NRXN3: variants seen among roughly 807,000 people sequenced by gnomAD.
NRXN3 encodes neurexin III.
In NRXN3, 32 loss-of-function variants were observed where a neutral mutation model predicts 137.6. The ratio of observed to expected loss-of-function variants is 0.23; its 90% CI spans 0.18 to 0.31. The LOEUF (loss-of-function observed/expected upper bound fraction) is 0.31. NRXN3 is among the 10% of genes least tolerant of loss of function. The pLI is 1.00. For missense variants in NRXN3, 1,574 were observed against 2,062.5 expected (o/e 0.76, Z 4.59); for synonymous variants, 798 against 784.5 (o/e 1.02, Z -0.29).
intron 4 of NRXN3, among the ~76,000 whole-genome samples, chr14:78,396,681 A>G (rs1192420406): frequency 2.0e-5 from 3 of 152,190 alleles, no homozygotes; most frequent in Non-Finnish European, 4.4e-5. Context: ...TTTTGATGAG[A>G]AATATGCTAT....
chr14:78,426,804 A>T (rs746714337), intron 4 of NRXN3, among the ~76,000 whole-genome samples: 1 of 152,156 alleles, frequency 6.6e-6, no homozygotes, highest in Non-Finnish European at 1.5e-5. Context: ...TTAGATTAAA[A>T]TATTCAACAT....
At chr14:79,279,210 C>G (rs954759838) in intron 15 of NRXN3, 4 of 322,594 alleles carry the variant, frequency 1.2e-5, no homozygotes, top group Middle Eastern at 1.5e-3. Context: ...CGGGTGTATA[C>G]GAGCCTGTGC....
chr14:79,347,544 C>T (rs1245977247), intron 15 of NRXN3, among the ~76,000 whole-genome samples: 2 of 151,484 alleles, frequency 1.3e-5, no homozygotes, highest in African/African-American at 4.9e-5. Context: ...GCTTCAGCCT[C>T]CTGAGTAGCT....
At chr14:78,914,361 A>T (rs536509827) in intron 10 of NRXN3, among the ~76,000 whole-genome samples, 1 of 152,222 alleles carries the variant, frequency 6.6e-6, no homozygotes, top group Non-Finnish European at 1.5e-5. Flanking sequence ...CTAATGGAGG[A>T]TATAGACAGT....
chr14:78,221,890 T>A (rs1261064153), intron 1 of NRXN3, among the ~76,000 whole-genome samples: 3 of 152,170 alleles, frequency 2.0e-5, no homozygotes, highest in Admixed American at 2.0e-4. Context: ...CATGTGGCCA[T>A]GCCAGAATTC....
intron 4 of NRXN3, among the ~76,000 whole-genome samples, chr14:78,600,947 A>G (rs576200910): frequency 6.6e-6 from 1 of 152,200 alleles, no homozygotes; most frequent in Admixed American, 6.5e-5. Flanking sequence ...GCCTTTTACC[A>G]CGAATCTGTC....
At chr14:79,719,402 G>GTGTATATATATGTGTGTGTGTA (rs1555660544) in intron 19 of NRXN3, among the ~76,000 whole-genome samples, 1 of 142,280 alleles carries the variant, frequency 7.0e-6, no homozygotes, top group Non-Finnish European at 1.5e-5. Flanking sequence ...ATATATGTGT[G>GTGTATATATATGTGTGTGTGTA]TATATATATA....
At chr14:78,474,659 C>T (rs1039332164) in intron 4 of NRXN3, among the ~76,000 whole-genome samples, 3 of 152,156 alleles carry the variant, frequency 2.0e-5, no homozygotes, top group Non-Finnish European at 4.4e-5. Context: ...TTGATAGTTG[C>T]CAATGTTGTT....
chr14:78,711,436 T>C (rs964485139), intron 7 of NRXN3, among the ~76,000 whole-genome samples: 22 of 2,752 alleles, frequency 8.0e-3, no homozygotes, highest in African/African-American at 0.012. Context: ...TCTTTTCTCT[T>C]TTTTTTTTTT....
intron 1 of NRXN3, among the ~76,000 whole-genome samples, chr14:78,227,547 G>A (rs1200102662): frequency 6.6e-6 from 1 of 152,174 alleles, no homozygotes; most frequent in African/African-American, 2.4e-5. Flanking sequence ...CACAGCACAG[G>A]AAGCTTTGCT....
chr14:79,398,835 C>T (rs182195314), intron 15 of NRXN3, among the ~76,000 whole-genome samples: 1 of 151,638 alleles, frequency 6.6e-6, no homozygotes, highest in Non-Finnish European at 1.5e-5. Context: ...AATGGTGAAA[C>T]CCTGTCTCTA....
At chr14:78,428,519 C>T (rs1458546258) in intron 4 of NRXN3, among the ~76,000 whole-genome samples, 1 of 152,116 alleles carries the variant, frequency 6.6e-6, no homozygotes, top group African/African-American at 2.4e-5. Flanking sequence ...ATATGCCTCT[C>T]TCCTATTGAG....
chr14:79,439,202 G>A (rs553028409), intron 15 of NRXN3, among the ~76,000 whole-genome samples: 3 of 152,224 alleles, frequency 2.0e-5, no homozygotes, highest in Admixed American at 1.3e-4. Context: ...GTATACGTAT[G>A]TGTGATGAAA....
chr14:79,533,015 TG>T (rs2097182603), intron 16 of NRXN3, among the ~76,000 whole-genome samples: 1 of 152,124 alleles, frequency 6.6e-6, no homozygotes, highest in African/African-American at 2.4e-5. Context: ...TGAACTCTAT[TG>T]AAGTATGGGG....
Position 79,697,854 on chromosome 14 carries a change from G to A in NRXN3, c.3931G>A (p.Glu1311Lys), listed in dbSNP as rs1263778539. The change falls in exon 19 of 21, where the codon GAA becomes AAA. Residue 1311 changes from glutamate (E) to lysine (K), a missense_variant. Physicochemically the swap from Glu to Lys is moderately conservative, Grantham distance 56. Around this residue, in one of 5 missense-constraint regions of NRXN3, gnomAD observed 320 missense variants for 387.1 expected, o/e 0.83. Transcript: ENST00000335750. ...AACACAGACGACCTCCATGCCACCA[G>A]AAATGTCTACTACTGTCATGGAAAC... is the stretch of plus-strand genomic sequence containing the variant. ...GTTQTTSMPP[E>K]MSTTVMETTT... The A allele has an allele frequency of 3.1e-6, 5 of 1,613,108 alleles. No homozygotes were observed. The highest frequency in any genetic ancestry group is 4.2e-6 in the Non-Finnish European group (5 of 1,179,460).
intron 20 of NRXN3, among the ~76,000 whole-genome samples, chr14:79,850,713 C>A (rs982036960): frequency 4.6e-5 from 7 of 152,042 alleles, no homozygotes; most frequent in Non-Finnish European, 8.8e-5. Flanking sequence ...TGAAATCAGG[C>A]AGTTATTAAT....
intron 14 of NRXN3, among the ~76,000 whole-genome samples, chr14:78,975,005 TTTA>T (rs2099459567): frequency 6.6e-6 from 1 of 152,182 alleles, no homozygotes. Flanking sequence ...GGGGTAGTGT[TTTA>T]TTTTTTATTT....
At chr14:78,266,720 A>G (rs1476074439) in intron 2 of NRXN3, among the ~76,000 whole-genome samples, 1 of 152,152 alleles carries the variant, frequency 6.6e-6, no homozygotes, top group African/African-American at 2.4e-5. Context: ...AGTAGGCAAT[A>G]TGCATGGGCC....
intron 4 of NRXN3, among the ~76,000 whole-genome samples, chr14:78,504,035 C>T (rs565581553): frequency 1.3e-5 from 2 of 152,296 alleles, no homozygotes; most frequent in South Asian, 2.1e-4. Context: ...GGAGTCTTTA[C>T]TGCAGGATTT....
Sources: gnomAD v4.1 joint callset for allele counts (sites outside exome capture counted in the v4.1 genomes callset) on GRCh38, gnomAD v4.1.1 for gene constraint, gnomAD v4.1.1 regional missense constraint, MANE v1.5 for transcripts, NCBI Gene and HGNC (gene_info 2026-07-23, HGNC 2026-07-21) for gene names.